The following GPHN variants were observed in gnomAD, a reference collection of about 807,000 sequenced individuals.
GPHN encodes gephyrin.
Under a neutral mutation model 95.5 loss-of-function variants are expected in GPHN, and 17 were observed. The ratio of observed to expected loss-of-function variants is 0.18; its 90% CI spans 0.12 to 0.27. The LOEUF is 0.27. Among genes scored for constraint, GPHN ranks in the 10% least tolerant of loss-of-function variants. The probability of loss-of-function intolerance (pLI) is 1.00; values close to 1 mark genes in which losing one functional copy is unlikely to be tolerated. For synonymous variants in GPHN, 320 were observed against 322.5 expected, an observed-to-expected ratio of 0.99 and a Z score of 0.08; for missense variants, 660 against 978.1, an observed-to-expected ratio of 0.67 and a Z score of 4.34.
chr14:67,162,526 T>C (rs1364857432), intron 19 of GPHN, among the ~76,000 whole-genome samples: 1 of 152,208 alleles, frequency 6.6e-6, no homozygotes, highest in Non-Finnish European at 1.5e-5. Flanking sequence ...ACAAAGATAC[T>C]CAGAAAAGCA....
chr14:66,742,630 G>A (rs1011250435), intron 2 of GPHN, among the ~76,000 whole-genome samples: 1 of 152,156 alleles, frequency 6.6e-6, no homozygotes, highest in African/African-American at 2.4e-5. Context: ...TGTATTGTTA[G>A]AGTCCAAGCC....
intron 11 of GPHN, among the ~76,000 whole-genome samples, chr14:67,079,601 A>C (rs896390367): frequency 7.9e-6 from 1 of 126,238 alleles, no homozygotes; most frequent in African/African-American, 4.7e-5. Context: ...TCAGTAATTC[A>C]TTCCTTTGTT....
At chr14:67,144,286 T>TATATATATATATATATACAC (rs1421893686) in intron 18 of GPHN, among the ~76,000 whole-genome samples, 1 of 78,124 alleles carries the variant, frequency 1.3e-5, no homozygotes, top group African/African-American at 6.4e-5. Flanking sequence ...TATATATATA[T>TATATATATATATATATACAC]ACACACACAC....
intron 2 of GPHN, among the ~76,000 whole-genome samples, chr14:66,716,187 G>A (rs2070165905): frequency 6.6e-6 from 1 of 152,158 alleles, no homozygotes; most frequent in Admixed American, 6.5e-5. Flanking sequence ...GACCTCCAGT[G>A]TTAGGTGCAT....
chr14:67,095,499 A>G (rs935148068), intron 12 of GPHN, among the ~76,000 whole-genome samples: 2 of 152,298 alleles, frequency 1.3e-5, no homozygotes, highest in Admixed American at 1.3e-4. Context: ...TTGTGGCACT[A>G]TTCACAATAG....
chr14:67,394,422 A>G, the GPHN span, among the ~76,000 whole-genome samples: 1 of 152,102 alleles, frequency 6.6e-6, no homozygotes, highest in East Asian at 1.9e-4. Flanking sequence ...AAAAGCCCCA[A>G]GAGTGCACAG....
chr14:66,535,834 T>C lies in GPHN; in HGVS notation c.64+27243T>C, dbSNP rs540880703. Among the ~76,000 whole-genome samples the C allele has an allele frequency of 2.6e-5, 4 of 152,236 alleles. No individual in the cohort carries two copies. In the South Asian group the frequency reaches 8.3e-4, roughly 32 times the overall value. ...ACCCGCTAAATTTGCTTATTTTTAATATTTAATATTTTATAGATTTTTTGT... is the reference window on the plus strand; with the variant it reads ...ACCCGCTAAATTTGCTTATTTTTAACATTTAATATTTTATAGATTTTTTGT... On this transcript the variant is annotated intron_variant, in intron 1 of 22. Coordinates refer to ENST00000478722, the MANE Select transcript of GPHN (RefSeq NM_020806.5).
At chr14:67,244,934 GGAAA>G in the GPHN span, among the ~76,000 whole-genome samples, 1 of 152,084 alleles carries the variant, frequency 6.6e-6, no homozygotes, top group Non-Finnish European at 1.5e-5. Flanking sequence ...CTTTAAAAAA[GGAAA>G]GAGAGAGGCA....
At chr14:67,577,946 G>C in the GPHN span, 1 of 1,395,062 alleles carries the variant, frequency 7.2e-7, no homozygotes, top group Non-Finnish European at 9.9e-7. Flanking sequence ...TGGAGCCCTT[G>C]GAAAATGGCC....
chr14:67,692,468 T>A, the GPHN span: 1 of 1,614,160 alleles, frequency 6.2e-7, no homozygotes, highest in Non-Finnish European at 8.5e-7. Context: ...AAAGCTCGAA[T>A]AGACTTAGTA....
chr14:66,893,842 T>C (rs1013516953), intron 5 of GPHN, among the ~76,000 whole-genome samples: 9 of 152,132 alleles, frequency 5.9e-5, no homozygotes. Flanking sequence ...AACTACAAAT[T>C]ACTGCTCAAC....
the GPHN span, among the ~76,000 whole-genome samples, chr14:67,711,850 A>G: frequency 6.6e-6 from 1 of 152,234 alleles, no homozygotes; most frequent in Non-Finnish European, 1.5e-5. Context: ...ATGGATGTCA[A>G]ATCAAACACA....
the GPHN span, among the ~76,000 whole-genome samples, chr14:67,310,940 C>A: frequency 6.6e-4 from 101 of 152,234 alleles, no homozygotes; most frequent in African/African-American, 2.3e-3. Context: ...GCTTAAAGAG[C>A]GCTTAAAAAG....
intron 9 of GPHN, among the ~76,000 whole-genome samples, chr14:66,984,404 A>G (rs2070883246): frequency 6.6e-6 from 1 of 152,226 alleles, no homozygotes; most frequent in Non-Finnish European, 1.5e-5. Context: ...TAAGAATAGT[A>G]AGAATTGGTG....
chr14:67,287,306 GT>G, the GPHN span, among the ~76,000 whole-genome samples: 6 of 149,264 alleles, frequency 4.0e-5, no homozygotes, highest in Non-Finnish European at 8.9e-5. Context: ...CATTTCCTTA[GT>G]TTTTTTTTTC....
chr14:67,209,773 G>A, the GPHN span, among the ~76,000 whole-genome samples: 3 of 147,838 alleles, frequency 2.0e-5, no homozygotes, highest in Non-Finnish European at 3.0e-5. Context: ...AGCCGAGATC[G>A]TGCCATTAAA....
At chr14:66,860,820 AAAT>A (rs2062993706) in intron 4 of GPHN, among the ~76,000 whole-genome samples, 8 of 152,126 alleles carry the variant, frequency 5.3e-5, no homozygotes, top group Admixed American at 5.2e-4. Flanking sequence ...CATCAGTTTA[AAAT>A]AATGTGTTAT....
At chr14:67,232,264 T>TTAG in the GPHN span, among the ~76,000 whole-genome samples, 2 of 152,204 alleles carry the variant, frequency 1.3e-5, no homozygotes, top group African/African-American at 4.8e-5. Flanking sequence ...TGTCACATCC[T>TTAG]TAGATCATTT....
At chr14:66,946,470 A>C (rs922879797) in intron 8 of GPHN, among the ~76,000 whole-genome samples, 12 of 152,120 alleles carry the variant, frequency 7.9e-5, no homozygotes, top group Non-Finnish European at 1.8e-4. Context: ...GCAGGACACA[A>C]TCTCGGCTCG....
Sources: allele counts gnomAD v4.1 joint callset (sites outside exome capture counted in the v4.1 genomes callset), GRCh38; gene constraint gnomAD v4.1.1; transcripts MANE v1.5; gene names NCBI Gene and HGNC (gene_info 2026-07-23, HGNC 2026-07-21).